ANKRD10: variants seen among roughly 807,000 people sequenced by gnomAD.
ANKRD10 encodes the protein ankyrin repeat domain 10.
A neutral mutation model predicts 27.0 loss-of-function variants in ANKRD10; 14 were observed. The ratio of observed to expected loss-of-function variants is 0.52; its 90% CI spans 0.34 to 0.81. The LOEUF is 0.81. Ranked by LOEUF, ANKRD10 falls within the 40% of genes least tolerant of loss-of-function variation. ANKRD10 has a pLI of 0.01. For missense variants in ANKRD10, 493 were observed against 544.0 expected, an observed-to-expected ratio of 0.91 and a Z score of 0.93; for synonymous variants, 250 against 224.5, an observed-to-expected ratio of 1.11 and a Z score of -1.01.
chr13:110,892,974 A>G, intron 4 of ANKRD10, 54 bp downstream of exon 4: 3 of 1,598,518 alleles, frequency 1.9e-6, no homozygotes, highest in South Asian at 1.1e-5. Context: ...AAAAGAAAAC[A>G]TATTACAGAA....
chr13:110,912,715 C>T (rs1177281012), intron 1 of ANKRD10, among the ~76,000 whole-genome samples: 3 of 152,238 alleles, frequency 2.0e-5, no homozygotes, highest in Admixed American at 6.5e-5. Context: ...TTGTGCACCA[C>T]TAGCACATTT....
chr13:110,903,242 C>A (rs1030192108), intron 3 of ANKRD10, among the ~76,000 whole-genome samples: 1 of 152,148 alleles, frequency 6.6e-6, no homozygotes, highest in African/African-American at 2.4e-5. Context: ...GACAACTTCA[C>A]GTGCTTGCTG....
intron 4 of ANKRD10, among the ~76,000 whole-genome samples, chr13:110,892,151 G>A (rs1256807366): frequency 6.6e-6 from 1 of 150,656 alleles, no homozygotes; most frequent in African/African-American, 2.4e-5. Context: ...CCAAAAAACG[G>A]CTAGGCACAG....
Position 110,910,598 on chromosome 13 carries a change from T to A in ANKRD10, c.363+20A>T. The A allele has an allele frequency of 2.5e-6, 4 of 1,611,864 alleles. No homozygotes were observed. On this transcript the variant is annotated intron_variant, in intron 2 of 5. Coordinates refer to ENST00000267339, the MANE Select transcript of ANKRD10 (RefSeq NM_017664.4). ...AAAGAAAAAGCAAAAGCAAACCAAG[T>A]CCATCACCAGCACTCTTACCGGTTT...
intron 4 of ANKRD10, among the ~76,000 whole-genome samples, chr13:110,889,498 T>C (rs1594558481): frequency 1.4e-5 from 2 of 147,844 alleles, no homozygotes; most frequent in Admixed American, 1.4e-4. Flanking sequence ...TATGACTTCT[T>C]GTAGCATAAC....
In ANKRD10 at chr13:110,880,131, CT is replaced by C. The variant is rs2064784430; in HGVS notation, c.788-20del. 6.3e-7 allele frequency: 1 copy of C among 1,592,128 alleles called. No homozygotes were observed. The highest frequency in any genetic ancestry group is 1.3e-5 in the African/African-American group (1 of 74,514). The stretch of plus-strand genomic sequence containing the variant: ...TTCATATCTGCATTAAGAAATACAC[CT>C]GTCACCAAAATTCAGAACCAATGAG... On this transcript the variant is annotated intron_variant, in intron 5 of 5. Coordinates refer to ENST00000267339, the MANE Select transcript of ANKRD10 (RefSeq NM_017664.4).
At chr13:110,910,051 G>A (rs57392861) in intron 2 of ANKRD10, among the ~76,000 whole-genome samples, 52,262 of 151,998 alleles carry the variant, frequency 0.34, 9,494 homozygotes, top group South Asian at 0.43. Context: ...ATCTGAATGC[G>A]TGTGTGTTTG....
intron 2 of ANKRD10, among the ~76,000 whole-genome samples, chr13:110,908,154 A>G (rs2065591345): frequency 6.6e-6 from 1 of 152,222 alleles, no homozygotes; most frequent in Non-Finnish European, 1.5e-5. Context: ...AGTGATCTAC[A>G]GGGAACTGGG....
At chr13:110,901,719 A>G (rs2065385749) in intron 3 of ANKRD10, among the ~76,000 whole-genome samples, 1 of 152,182 alleles carries the variant, frequency 6.6e-6, no homozygotes, top group South Asian at 2.1e-4. Flanking sequence ...GAAAATAGCC[A>G]AGACCAGACA....
intron 3 of ANKRD10, chr13:110,904,003 G>A (rs979393388): frequency 6.6e-5 from 10 of 152,156 alleles, no homozygotes; most frequent in Non-Finnish European, 1.3e-4. Context: ...TGGACTAAAT[G>A]GGGTAAATTA....
chr13:110,883,669 G>T (rs758210236), intron 5 of ANKRD10, 29 bp downstream of exon 5: 2 of 1,612,268 alleles, frequency 1.2e-6, no homozygotes, highest in Non-Finnish European at 1.7e-6. Context: ...GATTGTTGTT[G>T]CAGCTAACAG....
At chr13:110,908,719 G>A (rs1293921656) in intron 2 of ANKRD10, among the ~76,000 whole-genome samples, 1 of 152,096 alleles carries the variant, frequency 6.6e-6, no homozygotes, top group Non-Finnish European at 1.5e-5. Flanking sequence ...AGAGTCACTG[G>A]GTGCCCATAA....
At chr13:110,905,775 A>G (rs1320279524) in intron 3 of ANKRD10, among the ~76,000 whole-genome samples, 1 of 152,188 alleles carries the variant, frequency 6.6e-6, no homozygotes. Flanking sequence ...TCCAAATCTA[A>G]TTAGTTAACT....
At chr13:110,894,538 A>G (rs1019197024) in intron 3 of ANKRD10, 3 of 167,200 alleles carry the variant, frequency 1.8e-5, no homozygotes, top group African/African-American at 4.8e-5. Flanking sequence ...TAGAGCTCTG[A>G]CCTTGGAAAT....
chr13:110,914,065 G>C (rs9583546), intron 1 of ANKRD10, among the ~76,000 whole-genome samples: 95,563 of 152,098 alleles, frequency 0.63, 30,535 homozygotes, highest in Middle Eastern at 0.72. Flanking sequence ...CACTAATTTT[G>C]CTGAAGCGGG....
At chr13:110,914,609 T>C in intron 1 of ANKRD10, 116 bp downstream of exon 1, 2 of 1,407,974 alleles carry the variant, frequency 1.4e-6, no homozygotes, top group Non-Finnish European at 1.9e-6. Flanking sequence ...GCGCCGTCGA[T>C]CCCGCTTCCG....
At chr13:110,905,262 A>T (rs1049436735) in intron 3 of ANKRD10, 2 of 152,310 alleles carry the variant, frequency 1.3e-5, no homozygotes, top group South Asian at 4.1e-4. Flanking sequence ...TATAATATAA[A>T]TTTTTAAGAA....
chr13:110,894,201 A>T, intron 3 of ANKRD10: 1 of 1,608,796 alleles, frequency 6.2e-7, no homozygotes, highest in African/African-American at 1.3e-5. Flanking sequence ...TGTGAAATAA[A>T]CCTGTAAAAA....
At chr13:110,889,066 G>A (rs2065008214) in intron 4 of ANKRD10, among the ~76,000 whole-genome samples, 1 of 152,062 alleles carries the variant, frequency 6.6e-6, no homozygotes, top group African/African-American at 2.4e-5. Context: ...TTTCACTCAT[G>A]GAAGGGACTG....
Sources: allele counts gnomAD v4.1 joint callset (sites outside exome capture counted in the v4.1 genomes callset), GRCh38; gene constraint gnomAD v4.1.1; transcripts MANE v1.5; gene names NCBI Gene and HGNC (gene_info 2026-07-23, HGNC 2026-07-21).